The following GRAMD1B variants were observed in gnomAD, a reference collection of about 807,000 sequenced individuals.
The protein encoded by GRAMD1B is protein Aster-B.
Under a neutral mutation model 99.7 loss-of-function variants are expected in GRAMD1B, and 37 were observed. That is an observed-to-expected ratio of 0.37 (90% CI 0.29 to 0.49). GRAMD1B has a LOEUF of 0.49. Among genes scored for constraint, GRAMD1B ranks in the 20% least tolerant of loss-of-function variants. GRAMD1B has a pLI of 0.98. For synonymous variants in GRAMD1B, 427 were observed against 387.6 expected (o/e 1.10, Z -1.19); for missense variants, 888 against 1,009.2 (o/e 0.88, Z 1.63).
intron 2 of GRAMD1B, among the ~76,000 whole-genome samples, chr11:123,538,807 A>G (rs1305745536): frequency 1.3e-5 from 2 of 151,920 alleles, no homozygotes; most frequent in Non-Finnish European, 2.9e-5. Context: ...TATTTTTAGT[A>G]GAGACAGGGT....
intron 1 of GRAMD1B, among the ~76,000 whole-genome samples, chr11:123,431,855 G>C (rs985485601): frequency 6.6e-6 from 1 of 152,214 alleles, no homozygotes; most frequent in Non-Finnish European, 1.5e-5. Context: ...CCCTCACGTA[G>C]AGAATTGCTG....
intron 16 of GRAMD1B, among the ~76,000 whole-genome samples, chr11:123,614,507 A>C (rs1954075935): frequency 2.6e-5 from 4 of 152,136 alleles, no homozygotes; most frequent in Admixed American, 2.6e-4. Flanking sequence ...TCCTAGCTAC[A>C]TGGGCCTGTT....
At chr11:123,433,213 C>T (rs1365552384) in intron 1 of GRAMD1B, among the ~76,000 whole-genome samples, 1 of 151,886 alleles carries the variant, frequency 6.6e-6, no homozygotes, top group East Asian at 1.9e-4. Context: ...CCTGTCTCTA[C>T]TAAAAATACA....
intron 17 of GRAMD1B, among the ~76,000 whole-genome samples, chr11:123,615,330 G>A (rs894302124): frequency 6.6e-6 from 1 of 152,232 alleles, no homozygotes; most frequent in Non-Finnish European, 1.5e-5. Context: ...TTATTTTAAT[G>A]TAGACTATTT....
At chr11:123,518,540 G>A (rs1941894666) in intron 2 of GRAMD1B, among the ~76,000 whole-genome samples, 1 of 152,154 alleles carries the variant, frequency 6.6e-6, no homozygotes, top group South Asian at 2.1e-4. Context: ...GGGGGCTTGT[G>A]ATTCTCAGAT....
At chr11:123,561,472 T>C (rs986285962) in intron 2 of GRAMD1B, among the ~76,000 whole-genome samples, 6 of 152,254 alleles carry the variant, frequency 3.9e-5, no homozygotes, top group Admixed American at 3.9e-4. Context: ...AGCCAGCATT[T>C]GGCGCAGAGA....
intron 5 of GRAMD1B, among the ~76,000 whole-genome samples, chr11:123,594,499 T>G (rs1370918398): frequency 1.3e-5 from 2 of 152,242 alleles, no homozygotes; most frequent in Admixed American, 6.5e-5. Context: ...TGGCCCACTT[T>G]GCCTTCACAT....
upstream of GRAMD1B, among the ~76,000 whole-genome samples, chr11:123,427,345 A>G (rs192906649): frequency 2.6e-5 from 4 of 152,310 alleles, no homozygotes; most frequent in Admixed American, 2.0e-4. Context: ...ACCTTGGATA[A>G]ACTACTGAAT....
chr11:123,565,571 C>A (rs557247630), intron 2 of GRAMD1B, among the ~76,000 whole-genome samples: 8 of 152,180 alleles, frequency 5.3e-5, no homozygotes, highest in Non-Finnish European at 8.8e-5. Flanking sequence ...AGATAATGAT[C>A]GCTGAGACTC....
Position 123,492,858 on chromosome 11 carries a change from T to TCTCACACACACACA in GRAMD1B, c.452+11966_452+11967insTCACACACACACAC, listed in dbSNP as rs1555043273. On this transcript the variant is annotated intron_variant, in intron 2 of 19. Coordinates refer to ENST00000635736, the MANE Select transcript of GRAMD1B (RefSeq NM_001387025.1). This position sits in a 1 kb window ranked among gnomAD's most constrained non-coding sequence, Gnocchi z 4.2. ...CTCTCTCTCTCTCTGTCTCTCTCTT[T>TCTCACACACACACA]CACACATACACACACACACACACAC... Among the ~76,000 whole-genome samples the TCTCACACACACACA allele has an allele frequency of 1.5e-5, 2 of 131,702 alleles. No individual in the cohort carries two copies. Among genetic ancestry groups the TCTCACACACACACA allele is most frequent in the Non-Finnish European group, 3.4e-5 (2 of 59,096 alleles). The allele number at this position is 131,702 out of a possible 152,430, so 86.4% of individuals were successfully genotyped here.
At chr11:123,413,659 C>G (rs1948128698) in intron 1 of GRAMD1B, among the ~76,000 whole-genome samples, 1 of 152,052 alleles carries the variant, frequency 6.6e-6, no homozygotes, top group South Asian at 2.1e-4. Flanking sequence ...TAGGTCTTCG[C>G]CTGAGGAGTA....
At chr11:123,572,510 C>A (rs902553947) in intron 2 of GRAMD1B, among the ~76,000 whole-genome samples, 1 of 152,198 alleles carries the variant, frequency 6.6e-6, no homozygotes, top group South Asian at 2.1e-4. Flanking sequence ...AGTTTCAGGA[C>A]TCTAGCAAGT....
chr11:123,469,142 G>T (rs1190325618), intron 1 of GRAMD1B, among the ~76,000 whole-genome samples: 3 of 152,066 alleles, frequency 2.0e-5, no homozygotes, highest in African/African-American at 7.2e-5. Flanking sequence ...AAGGGCTGGA[G>T]TGGAGAGCGG....
At chr11:123,365,796 T>G (rs1470166355) in intron 1 of GRAMD1B, among the ~76,000 whole-genome samples, 1 of 152,210 alleles carries the variant, frequency 6.6e-6, no homozygotes, top group Non-Finnish European at 1.5e-5. Flanking sequence ...CACTGCCAAG[T>G]TTTCTTGTGA....
rs1954040921 is a variant in GRAMD1B, at chr11:123,614,349, A to G, written c.2228-396A>G. On this transcript the variant is annotated intron_variant, in intron 16 of 19. Coordinates refer to ENST00000635736, the MANE Select transcript of GRAMD1B (RefSeq NM_001387025.1). ...TCTGACTGACATTGCATTTGAGTAAACTGACTCTCAGAGAGCTTACATGAC... is the reference window on the plus strand; with the variant it reads ...TCTGACTGACATTGCATTTGAGTAAGCTGACTCTCAGAGAGCTTACATGAC... Among the ~76,000 whole-genome samples the G allele has an allele frequency of 2.0e-5, 3 of 152,190 alleles. No homozygotes were observed. In the South Asian group the frequency reaches 6.2e-4, roughly 32 times the overall value.
chr11:123,420,344 G>A (rs1948385918), intron 1 of GRAMD1B, among the ~76,000 whole-genome samples: 1 of 152,150 alleles, frequency 6.6e-6, no homozygotes, highest in African/African-American at 2.4e-5. Context: ...TTCTTAACAG[G>A]TAAGAGGTAT....
chr11:123,614,887 C>A, intron 17 of GRAMD1B, 52 bp downstream of exon 17: 4 of 1,045,272 alleles, frequency 3.8e-6, no homozygotes, highest in Non-Finnish European at 5.9e-6. Flanking sequence ...CCCTTTCCAG[C>A]CTGGTGCCCC....
intron 1 of GRAMD1B, chr11:123,435,515 G>A (rs1283954756): frequency 2.9e-6 from 2 of 691,130 alleles, no homozygotes; most frequent in Non-Finnish European, 5.3e-6. Context: ...TAAACCCTAG[G>A]AAGGAAGAAG....
At chr11:123,615,461 C>A (rs1275063) in intron 17 of GRAMD1B, among the ~76,000 whole-genome samples, 50,822 of 152,002 alleles carry the variant, frequency 0.33, 9,823 homozygotes, top group South Asian at 0.5. Flanking sequence ...CCGAGGCAGG[C>A]GGATCATGAG....
Sources: gnomAD v4.1 joint callset for allele counts (sites outside exome capture counted in the v4.1 genomes callset) on GRCh38, gnomAD v4.1.1 for gene constraint, Gnocchi (gnomAD v3.1) non-coding constraint, MANE v1.5 for transcripts, NCBI Gene and HGNC (gene_info 2026-07-23, HGNC 2026-07-21) for gene names.